Variants in ADAMTS10 observed in about 807,000 individuals in gnomAD.
ADAMTS10 encodes the protein ADAM metallopeptidase with thrombospondin type 1 motif 10.
ADAMTS10 carries 48 observed loss-of-function variants against 135.9 expected under a neutral mutation model. The observed-to-expected ratio is 0.35, with a 90% CI of 0.28 to 0.45. The LOEUF (loss-of-function observed/expected upper bound fraction) is 0.45. Ranked by LOEUF, ADAMTS10 falls within the 20% of genes least tolerant of loss-of-function variation. The pLI is 1.00. For synonymous variants in ADAMTS10, 621 were observed against 647.5 expected, an observed-to-expected ratio of 0.96 and a Z score of 0.62; for missense variants, 1,131 against 1,565.2, an observed-to-expected ratio of 0.72 and a Z score of 4.68.
At chr19:8,608,813 G>T (rs545641674) in intron 1 of ADAMTS10, among the ~76,000 whole-genome samples, 9 of 152,178 alleles carry the variant, frequency 5.9e-5, no homozygotes, top group Admixed American at 2.0e-4. Flanking sequence ...CTCAGGTGGG[G>T]TGTGAGGGAC....
chr19:8,595,699 C>T, intron 12 of ADAMTS10, 63 bp downstream of exon 12: 3 of 799,674 alleles, frequency 3.8e-6, no homozygotes, highest in Non-Finnish European at 4.0e-6. Context: ...TGGTGGAGTT[C>T]CCTCCCCCAG....
In ADAMTS10 at chr19:8,597,106, G is replaced by C. The variant is rs782693082; in HGVS notation, c.921C>G (p.Ala307=). The change falls in exon 8 of 26, where the codon GCC becomes GCG. Residue 307 remains alanine, a synonymous_variant. Transcript: ENST00000597188. The part of the protein sequence containing the change: ...DQPTLEITHH[A]GKSLDSFCKW... ...TACAGAAGCTGTCCAGGGACTTCCC[G>C]GCATGGTGGGTGATCTCCAGAGTGG... is the stretch of plus-strand genomic sequence containing the variant. 1 of 1,613,996 alleles carries C rather than the reference G, an allele frequency of 6.2e-7. No individual in the cohort carries two copies. The highest frequency in any genetic ancestry group is 2.2e-5 in the East Asian group (1 of 44,886).
At position 8,585,482 on chromosome 19, in the gene ADAMTS10, C is replaced by G. The variant is rs1389191440; in HGVS notation, c.2839G>C (p.Glu947Gln). 2.0e-6 allele frequency: 3 copies of G among 1,537,374 alleles called. No homozygotes were observed. The African/African-American group carries it at 4.1e-5, about 21-fold the overall frequency. Reference protein sequence around the residue: ...EACHGPTCPPEWAALDWSECT... With the variant: ...EACHGPTCPPQWAALDWSECT... ...TCAGACCAGTCGAGGGCCGCCCACT[C>G]CGGAGGGCAAGTGGGGCCGTGGCAG... The change falls in exon 23 of 26, where the codon GAG (glutamate) becomes CAG (glutamine). Residue 947 changes from glutamate to glutamine, a missense_variant. Around this residue, in one of 3 missense-constraint regions of ADAMTS10, gnomAD observed 745 missense variants for 1,056.3 expected, o/e 0.71. Coordinates refer to ENST00000597188, the MANE Select transcript of ADAMTS10 (RefSeq NM_030957.4).
rs1555736785 is a variant in ADAMTS10, at chr19:8,585,513, C to T, written c.2808G>A (p.Leu936=). 2 of 1,551,976 alleles carry T rather than the reference C, an allele frequency of 1.3e-6. No homozygotes were observed. The highest frequency in any genetic ancestry group is 1.7e-6 in the Non-Finnish European group (2 of 1,147,806). ...GGCAAGTGGGGCCGTGGCAGGCCTC[C>T]AGTACAGGTGGGCGCGGCTGCGGGC... ...SACPQPRPPV[L]EACHGPTCPP... The change falls in exon 23 of 26, where the codon CTG becomes CTA. Residue 936 remains leucine, a synonymous_variant. Coordinates refer to ENST00000597188, the MANE Select transcript of ADAMTS10 (RefSeq NM_030957.4).
At chr19:8,607,597 G>A (rs1298787812) in intron 2 of ADAMTS10, among the ~76,000 whole-genome samples, 3 of 152,102 alleles carry the variant, frequency 2.0e-5, no homozygotes, top group Non-Finnish European at 2.9e-5. Context: ...AAGTCTGAGA[G>A]TCCAAGTCTG....
Position 8,596,133 on chromosome 19 carries a change from A to G in ADAMTS10, c.1277T>C (p.Met426Thr). ...PAKLMAAHIT[M>T]KTNPFVWSSC... is the part of the protein sequence containing the mutation. ...TGACCACACGAATGGGTTGGTCTTC[A>G]TGGTAATGTGGGCAGCCATGAGCTT... Residue 426 changes from methionine to threonine, a missense_variant, in exon 11 of 26, where the codon ATG (methionine) becomes ACG (threonine). Around this residue, in one of 3 missense-constraint regions of ADAMTS10, gnomAD observed 745 missense variants for 1,056.3 expected, o/e 0.71. Coordinates refer to ENST00000597188, the MANE Select transcript of ADAMTS10 (RefSeq NM_030957.4). The surrounding 1 kb of genome is among the most constrained non-coding windows in gnomAD (Gnocchi z 7.2). 6.2e-7 allele frequency: 1 copy of G among 1,614,174 alleles called. No individual in the cohort carries two copies. The highest frequency in any genetic ancestry group is 8.5e-7 in the Non-Finnish European group (1 of 1,180,018).
At chr19:8,604,839 C>G in intron 4 of ADAMTS10, 173 bp downstream of exon 4, 1 of 727,206 alleles carries the variant, frequency 1.4e-6, no homozygotes, top group South Asian at 1.8e-5. Flanking sequence ...TTACCTAAGG[C>G]TATACATTTT....
At chr19:8,602,615 C>G (rs1242741477) in intron 5 of ADAMTS10, among the ~76,000 whole-genome samples, 2 of 152,130 alleles carry the variant, frequency 1.3e-5, no homozygotes. Context: ...GACACTGTGC[C>G]TGACCCTGAT....
Position 8,580,994 on chromosome 19 carries a change from C to G in ADAMTS10, c.3211G>C (p.Asp1071His). ...TPGDGPEECK[D>H]VNKVAYCPLV... ...GGGCAGTAGGCGACCTTGTTCACATCCTTGCACTCTGCGGGGACGGGAGAA... is the reference window on the plus strand; with the variant it reads ...GGGCAGTAGGCGACCTTGTTCACATGCTTGCACTCTGCGGGGACGGGAGAA... The change falls in exon 26 of 26, where the codon GAT becomes CAT. Residue 1071 changes from aspartate (D) to histidine (H), a missense_variant. By Grantham distance (81) the Asp-to-His change is moderately conservative (BLOSUM62 -1). This residue lies in a region of ADAMTS10 where 745 missense variants were observed against 1,056.3 expected (regional missense o/e 0.71). Transcript: ENST00000597188. 6.2e-7 allele frequency: 1 copy of G among 1,613,038 alleles called. No homozygotes were observed. The highest frequency in any genetic ancestry group is 8.5e-7 in the Non-Finnish European group (1 of 1,179,386).
In ADAMTS10 at chr19:8,585,463, C is replaced by T; in HGVS notation, c.2858G>A (p.Trp953Ter). 1 of 1,535,122 alleles carries T rather than the reference C, an allele frequency of 6.5e-7. No homozygotes were observed. The highest frequency in any genetic ancestry group is 8.8e-7 in the Non-Finnish European group (1 of 1,139,204). ...TCPPEWAALD[W>*]SECTPSCGPG... ...AGGAAGGGGGCGGCTGACCTCAGAC[C>T]AGTCGAGGGCCGCCCACTCCGGAGG... The change falls in exon 23 of 26, where the codon TGG becomes TAG. Residue 953 changes from tryptophan to a stop codon, truncating the protein, a stop_gained. Transcript: ENST00000597188. LOFTEE classifies it high-confidence loss of function.
At chr19:8,593,230 G>A (rs2042564808) in intron 12 of ADAMTS10, 1 of 306,188 alleles carries the variant, frequency 3.3e-6, no homozygotes, top group South Asian at 3.7e-5. Flanking sequence ...GTGCTCTAAC[G>A]AACTTTGCAA....
At chr19:8,583,311 C>T (rs151289193) in intron 25 of ADAMTS10, among the ~76,000 whole-genome samples, 4,348 of 151,760 alleles carry the variant, frequency 0.029, 208 homozygotes, top group African/African-American at 0.097. Context: ...GAGGCCAAGG[C>T]GGGCAGATCA....
At chr19:8,589,801 C>T (rs1280264507) in intron 16 of ADAMTS10, 88 bp downstream of exon 16, 9 of 1,465,432 alleles carry the variant, frequency 6.1e-6, no homozygotes, top group South Asian at 5.8e-5. Context: ...TCAGGGCAGA[C>T]CCCGGGATGC....
At position 8,592,724 on chromosome 19, in the gene ADAMTS10, G is replaced by C. The variant is rs1555739372; in HGVS notation, c.1587+39C>G. ...CGTGGCCAACGCGGGAGGTGGCTCA[G>C]GGGGCGTGGCCCAGTTGGGGGCCCT... On this transcript the variant is annotated intron_variant, in intron 13 of 25. Coordinates refer to ENST00000597188, the MANE Select transcript of ADAMTS10 (RefSeq NM_030957.4). The C allele has an allele frequency of 2.5e-6, 4 of 1,579,578 alleles. No individual in the cohort carries two copies. In the South Asian group the frequency reaches 3.4e-5, roughly 13 times the overall value.
At position 8,600,958 on chromosome 19, in the gene ADAMTS10, C is replaced by T. The variant is rs2042663349; in HGVS notation, c.780G>A (p.Val260=). The T allele has an allele frequency of 6.2e-7, 1 of 1,614,020 alleles. No homozygotes were observed. Among genetic ancestry groups the T allele is most frequent in the Non-Finnish European group, 8.5e-7 (1 of 1,180,052 alleles). ...MMVAYHGRRD[V]EQYVLAIMNI... ...TCATGATGGCCAGGACATACTGCTC[C>T]ACATCCCGGCGCCCGTGATAGGCCA... The change falls in exon 6 of 26, where the codon GTG becomes GTA. Residue 260 remains valine (V), a synonymous_variant. Transcript: ENST00000597188.
Position 8,605,115 on chromosome 19 carries a change from C to T in ADAMTS10, c.332G>A (p.Gly111Asp). 2 of 1,613,370 alleles carry T rather than the reference C, an allele frequency of 1.2e-6. No individual in the cohort carries two copies. Among genetic ancestry groups the T allele is most frequent in the Non-Finnish European group, 1.7e-6 (2 of 1,179,810 alleles). Residue 111 changes from glycine to aspartate, a missense_variant, in exon 4 of 26, where the codon GGC becomes GAC. Coordinates refer to ENST00000597188, the MANE Select transcript of ADAMTS10 (RefSeq NM_030957.4). The surrounding 1 kb of genome is among the most constrained non-coding windows in gnomAD (Gnocchi z 7.7). The part of the protein sequence containing the change: ...HVSVEYWTRE[G>D]LAWQRAARPH... ...CCGGGCCGCCCTCTGCCAGGCCAGGCCCTCCCGTGTCCAGTACTCCACGGA... is the reference window on the plus strand; with the variant it reads ...CCGGGCCGCCCTCTGCCAGGCCAGGTCCTCCCGTGTCCAGTACTCCACGGA...
chr19:8,603,794 G>T lies in ADAMTS10; in HGVS notation c.526C>A (p.Pro176Thr), dbSNP rs2042691304. The T allele has an allele frequency of 6.2e-7, 1 of 1,614,010 alleles. No homozygotes were observed. The highest frequency in any genetic ancestry group is 2.2e-5 in the East Asian group (1 of 44,892). The change falls in exon 5 of 26, where the codon CCA becomes ACA. Residue 176 changes from proline to threonine, a missense_variant. Around this residue, in one of 3 missense-constraint regions of ADAMTS10, gnomAD observed 306 missense variants for 344.4 expected, o/e 0.89. Transcript: ENST00000597188. ...KGSRSPEESG[P>T]HVVYKRSSLR... ...GAGGAACGCTTGTACACCACATGTG[G>T]TCCACTTTCCTCCGGGCTCCGAGAA...
At chr19:8,604,426 TACATAC>T (rs1299924856) in intron 4 of ADAMTS10, among the ~76,000 whole-genome samples, 1 of 148,260 alleles carries the variant, frequency 6.7e-6, no homozygotes, top group African/African-American at 2.5e-5. Flanking sequence ...TGTATGTGTA[TACATAC>T]ACATACACAT....
intron 25 of ADAMTS10, 127 bp from the exon 26 acceptor site, chr19:8,581,129 A>AATTTT: frequency 7.9e-6 from 1 of 126,898 alleles, no homozygotes; most frequent in Non-Finnish European, 1.3e-5. Context: ...TTTTAAATTT[A>AATTTT]CTTTTTTTTT....
Sources: gnomAD v4.1 joint callset for allele counts (sites outside exome capture counted in the v4.1 genomes callset) on GRCh38, gnomAD v4.1.1 for gene constraint, gnomAD v4.1.1 regional missense constraint, Gnocchi (gnomAD v3.1) non-coding constraint, MANE v1.5 for transcripts, NCBI Gene and HGNC (gene_info 2026-07-23, HGNC 2026-07-21) for gene names.